The following IQCK variants were observed in gnomAD, a reference collection of about 807,000 sequenced individuals.
The protein encoded by IQCK is IQ motif containing K, also known as IQ domain-containing protein K.
In IQCK, 29 loss-of-function variants were observed where a neutral mutation model predicts 28.1. That is an observed-to-expected ratio of 1.03 (90% CI 0.77 to 1.41). The LOEUF is 1.41. Among genes scored for constraint, IQCK ranks in the 40% most tolerant of loss-of-function variants. IQCK has a pLI of 0.00. For missense variants in IQCK, 359 were observed against 314.7 expected (o/e 1.14, Z -1.07); for synonymous variants, 113 against 115.1 (o/e 0.98, Z 0.12).
At chr16:19,748,364 C>T (rs2054941782) in intron 4 of IQCK, among the ~76,000 whole-genome samples, 1 of 152,114 alleles carries the variant, frequency 6.6e-6, no homozygotes, top group Non-Finnish European at 1.5e-5. Context: ...CATGAGACAC[C>T]GAACCCAGCT....
chr16:19,793,591 T>G (rs1567559523), intron 7 of IQCK, among the ~76,000 whole-genome samples: 1 of 92,598 alleles, frequency 1.1e-5, no homozygotes, highest in Non-Finnish European at 1.9e-5. Context: ...ATAACAGTAC[T>G]CCCCACATTG....
chr16:19,799,508 T>C (rs1489539711), intron 7 of IQCK, among the ~76,000 whole-genome samples: 1 of 104,888 alleles, frequency 9.5e-6, no homozygotes, highest in Non-Finnish European at 1.7e-5. Flanking sequence ...TGACCTCAGG[T>C]GATCTGCCTG....
chr16:19,737,591 T>A (rs1174878355), intron 4 of IQCK, among the ~76,000 whole-genome samples: 1 of 152,190 alleles, frequency 6.6e-6, no homozygotes, highest in Non-Finnish European at 1.5e-5. Flanking sequence ...AAGGAAGAAT[T>A]TGGGATACAC....
chr16:19,855,997 T>C (rs2056554748), intron 9 of IQCK, among the ~76,000 whole-genome samples: 1 of 152,168 alleles, frequency 6.6e-6, no homozygotes, highest in Non-Finnish European at 1.5e-5. Flanking sequence ...CTTTCCTGTT[T>C]GGCAGACACA....
chr16:19,831,766 A>G (rs1239267172), downstream of IQCK, among the ~76,000 whole-genome samples: 3 of 151,810 alleles, frequency 2.0e-5, no homozygotes, highest in African/African-American at 2.4e-5. Flanking sequence ...GTACAAAGAG[A>G]TTTTACCAAG....
chr16:19,773,760 A>G (rs1376975913), intron 6 of IQCK, among the ~76,000 whole-genome samples: 1 of 152,218 alleles, frequency 6.6e-6, no homozygotes, highest in Non-Finnish European at 1.5e-5. Context: ...GGACACCAAT[A>G]GCCTTCCCAA....
intron 7 of IQCK, among the ~76,000 whole-genome samples, chr16:19,821,689 G>A (rs533057019): frequency 3.3e-5 from 5 of 152,068 alleles, no homozygotes; most frequent in Admixed American, 6.6e-5. Flanking sequence ...ACGAGACTCC[G>A]TCTCAATAAA....
At chr16:19,752,179 C>T (rs1376612914) in intron 4 of IQCK, among the ~76,000 whole-genome samples, 1 of 152,112 alleles carries the variant, frequency 6.6e-6, no homozygotes, top group Non-Finnish European at 1.5e-5. Context: ...TTCAGCCCTG[C>T]CTTTGGATTA....
intron 4 of IQCK, among the ~76,000 whole-genome samples, chr16:19,749,784 GAAAA>G (rs1468498402): frequency 6.6e-6 from 1 of 150,722 alleles, no homozygotes; most frequent in East Asian, 1.9e-4. Flanking sequence ...AAAAAAAAAA[GAAAA>G]AGAAAAAGTG....
At chr16:19,777,743 C>T (rs2055414487) in intron 6 of IQCK, among the ~76,000 whole-genome samples, 1 of 152,124 alleles carries the variant, frequency 6.6e-6, no homozygotes, top group Non-Finnish European at 1.5e-5. Flanking sequence ...TGCTGTTTCT[C>T]CATGGCTGTT....
At chr16:19,846,674 G>T (rs2056418452) in intron 9 of IQCK, among the ~76,000 whole-genome samples, 1 of 152,134 alleles carries the variant, frequency 6.6e-6, no homozygotes, top group Admixed American at 6.6e-5. Context: ...CAAAAATAAT[G>T]CAACACAGCA....
chr16:19,837,361 G>T (rs746839471), intron 9 of IQCK, among the ~76,000 whole-genome samples: 1 of 152,240 alleles, frequency 6.6e-6, no homozygotes. Flanking sequence ...TGATCACGCT[G>T]CTGTACTCCA....
In IQCK at chr16:19,839,684, A is replaced by G. The variant is rs1368009852; in HGVS notation, c.802+12547A>G. On this transcript the variant is annotated intron_variant, in intron 9 of 9. Transcript: ENST00000320394. ...CCTTCCCAGATCAGCCAGCTTGCCAAACGCTCTATGGGCAAGTAAACAGAA... is the reference window on the plus strand; with the variant it reads ...CCTTCCCAGATCAGCCAGCTTGCCAGACGCTCTATGGGCAAGTAAACAGAA... Among the ~76,000 whole-genome samples the G allele has an allele frequency of 3.3e-5, 5 of 152,126 alleles. No homozygotes were observed. In the East Asian group the frequency reaches 9.7e-4, roughly 30 times the overall value.
At chr16:19,757,625 G>A (rs1360100595) in intron 4 of IQCK, among the ~76,000 whole-genome samples, 2 of 152,204 alleles carry the variant, frequency 1.3e-5, no homozygotes, top group African/African-American at 2.4e-5. Context: ...AGTGGAGATC[G>A]TGCCACTGCA....
At chr16:19,830,906 A>G (rs1597597548), downstream of IQCK, among the ~76,000 whole-genome samples, 1 of 152,222 alleles carries the variant, frequency 6.6e-6, no homozygotes, top group East Asian at 1.9e-4. Flanking sequence ...TTGTCATGAT[A>G]GTATTATTAA....
chr16:19,816,804 T>G (rs975084450), intron 7 of IQCK, among the ~76,000 whole-genome samples: 2 of 152,214 alleles, frequency 1.3e-5, no homozygotes, highest in Non-Finnish European at 2.9e-5. Flanking sequence ...ATTTAAGAAA[T>G]TACTAACAGT....
intron 7 of IQCK, among the ~76,000 whole-genome samples, chr16:19,822,405 A>AG (rs2056087240): frequency 6.6e-6 from 1 of 150,986 alleles, no homozygotes; most frequent in East Asian, 1.9e-4. Context: ...AAAAAAAAAA[A>AG]GCAAAACAAA....
At chr16:19,732,969 C>T (rs1198270191) in intron 2 of IQCK, among the ~76,000 whole-genome samples, 2 of 152,108 alleles carry the variant, frequency 1.3e-5, no homozygotes, top group South Asian at 2.1e-4. Flanking sequence ...TTAGCCCAGC[C>T]GGATTTCCAC....
At chr16:19,802,929 C>G (rs1399979214) in intron 7 of IQCK, among the ~76,000 whole-genome samples, 2 of 152,176 alleles carry the variant, frequency 1.3e-5, no homozygotes, top group Admixed American at 1.3e-4. Flanking sequence ...GGAATAAACA[C>G]ATACGACTTT....
Sources: allele counts gnomAD v4.1 joint callset (sites outside exome capture counted in the v4.1 genomes callset), GRCh38; gene constraint gnomAD v4.1.1; transcripts MANE v1.5; gene names NCBI Gene and HGNC (gene_info 2026-07-23, HGNC 2026-07-21).